Variants in CARMIL1 observed in about 807,000 individuals in gnomAD.
The protein encoded by CARMIL1 is capping protein regulator and myosin 1 linker 1.
In CARMIL1, 90 loss-of-function variants were observed where a neutral mutation model predicts 177.1. The observed-to-expected ratio is 0.51, with a 90% CI of 0.43 to 0.61. The LOEUF (loss-of-function observed/expected upper bound fraction) is 0.61, where lower values mean the gene tolerates loss of function less well. Ranked by LOEUF, CARMIL1 falls within the 20% of genes least tolerant of loss-of-function variation. The probability of loss-of-function intolerance (pLI) is 0.00; values close to 1 mark genes in which losing one functional copy is unlikely to be tolerated. For missense variants in CARMIL1, 1,380 were observed against 1,667.0 expected (o/e 0.83, Z 3.00); for synonymous variants, 577 against 606.2 (o/e 0.95, Z 0.71).
In CARMIL1 at chr6:25,550,981, A is replaced by G. The variant is rs1810041638; in HGVS notation, c.2400A>G (p.Arg800=). ...CPNVMKKAHI[R]QDLIHASTEK... ...ATGTGATGAAAAAAGCCCACATTCG[A>G]CAAGACTTGATTCATGCCAGCACCG... is the stretch of plus-strand genomic sequence containing the variant. Residue 800 remains arginine, a synonymous_variant, in exon 27 of 37, where the codon CGA becomes CGG. Coordinates refer to ENST00000329474, the MANE Select transcript of CARMIL1 (RefSeq NM_017640.6). 6.2e-7 allele frequency: 1 copy of G among 1,613,534 alleles called. No homozygotes were observed.
At chr6:25,283,358 G>A (rs1278513723) in intron 1 of CARMIL1, among the ~76,000 whole-genome samples, 2 of 152,144 alleles carry the variant, frequency 1.3e-5, no homozygotes, top group Non-Finnish European at 2.9e-5. Context: ...ACTTAGTCTT[G>A]GTGAGAGATT....
chr6:25,446,313 T>C (rs776898659), intron 5 of CARMIL1, among the ~76,000 whole-genome samples: 2 of 152,244 alleles, frequency 1.3e-5, no homozygotes, highest in Non-Finnish European at 2.9e-5. Context: ...TGAAAATCAG[T>C]TGTTTAGTGT....
Position 25,577,022 on chromosome 6 carries a change from T to A in CARMIL1, c.2743-3902T>A, listed in dbSNP as rs116178983. On this transcript the variant is annotated intron_variant, in intron 29 of 36. Coordinates refer to ENST00000329474, the MANE Select transcript of CARMIL1 (RefSeq NM_017640.6). The surrounding 1 kb of genome is among the most constrained non-coding windows in gnomAD (Gnocchi z 4.5). ...AGTATTTTTTGGTGGCTCTGCGGTT[T>A]CTGGCTGTACTACTTTATATTCTTG... is the stretch of plus-strand genomic sequence containing the variant. The A allele has an allele frequency of 2.5e-3, 2,437 of 985,474 alleles. 46 individuals are homozygous for A. In the African/African-American group the frequency reaches 0.04, roughly 16 times the overall value. The allele number at this position is 985,474 out of a possible 1,614,324, so 61.0% of individuals were successfully genotyped here. A position where few individuals can be genotyped will look rare whatever the true frequency, so the allele number is the denominator to read the frequency against.
intron 2 of CARMIL1, among the ~76,000 whole-genome samples, chr6:25,327,161 A>AG (rs1785195604): frequency 1.4e-5 from 1 of 70,174 alleles, no homozygotes; most frequent in African/African-American, 1.1e-4. Context: ...GTGTGATATC[A>AG]CCAAGGAGAG....
chr6:25,495,089 G>GT, intron 15 of CARMIL1, 22 bp from the exon 16 acceptor site: 1 of 1,423,528 alleles, frequency 7.0e-7, no homozygotes, highest in South Asian at 1.2e-5. Context: ...AACCGCTTGT[G>GT]TAACTCTTGT....
At chr6:25,616,435 G>A (rs1270498512) in intron 36 of CARMIL1, among the ~76,000 whole-genome samples, 1 of 152,046 alleles carries the variant, frequency 6.6e-6, no homozygotes, top group African/African-American at 2.4e-5. Context: ...GCTGGGTGTG[G>A]TGAGGAGGTG....
intron 2 of CARMIL1, among the ~76,000 whole-genome samples, chr6:25,298,840 C>T (rs995577504): frequency 9.2e-5 from 14 of 151,494 alleles, no homozygotes; most frequent in Non-Finnish European, 2.9e-5. Flanking sequence ...CCGCAACCTC[C>T]GCCTCCTGGG....
intron 23 of CARMIL1, among the ~76,000 whole-genome samples, chr6:25,523,397 T>C (rs1280695403): frequency 2.0e-5 from 3 of 152,154 alleles, no homozygotes; most frequent in African/African-American, 7.2e-5. Context: ...ATGTAATCCT[T>C]AAAATAAATG....
Position 25,459,266 on chromosome 6 carries a change from CTTT to C in CARMIL1, c.615-6595_615-6593del, listed in dbSNP as rs769702901. On this transcript the variant is annotated intron_variant, in intron 8 of 36. Transcript: ENST00000329474. ...TCTTTCTTTCTTTCTTTCTTTCTTT[CTTT>C]TTTTTTTTTTTAAGACAGGGTCTTG... Among the ~76,000 whole-genome samples, 26 of 73,720 alleles carry C rather than the reference CTTT, an allele frequency of 3.5e-4. 1 individual carries two copies. Among genetic ancestry groups the C allele is most frequent in the Admixed American group, 9.4e-4 (6 of 6,354 alleles). The allele number at this position is 73,720 out of a possible 152,430, so 48.4% of individuals were successfully genotyped here.
intron 31 of CARMIL1, among the ~76,000 whole-genome samples, chr6:25,587,045 G>C (rs1351826170): frequency 1.4e-5 from 2 of 140,444 alleles, no homozygotes; most frequent in Admixed American, 1.4e-4. Context: ...GAAAGGGAGA[G>C]GGAGGGGGAG....
chr6:25,590,585 C>G (rs755291576), intron 31 of CARMIL1, among the ~76,000 whole-genome samples: 6 of 151,170 alleles, frequency 4.0e-5, no homozygotes, highest in Non-Finnish European at 8.9e-5. Flanking sequence ...GGGATGCCAT[C>G]TGGGCCCTAA....
At chr6:25,443,146 C>T (rs1187145043) in intron 5 of CARMIL1, among the ~76,000 whole-genome samples, 4 of 152,156 alleles carry the variant, frequency 2.6e-5, no homozygotes, top group Non-Finnish European at 4.4e-5. Context: ...GACAGAAGTC[C>T]AGCTTTCTGT....
chr6:25,315,544 CTT>C (rs1784210878), intron 2 of CARMIL1, among the ~76,000 whole-genome samples: 1 of 151,984 alleles, frequency 6.6e-6, no homozygotes, highest in Non-Finnish European at 1.5e-5. Flanking sequence ...CCGCTGCCTG[CTT>C]TTTTTCTCTC....
rs1810066995 is a variant in CARMIL1, at chr6:25,551,163, G to A, written c.2504+78G>A. The A allele has an allele frequency of 3.5e-6, 4 of 1,131,488 alleles. No homozygotes were observed. The South Asian group carries it at 5.7e-5, about 16-fold the overall frequency. The allele number at this position is 1,131,488 out of a possible 1,614,324, so 70.1% of individuals were successfully genotyped here. A position where few individuals can be genotyped will look rare whatever the true frequency, so the allele number is the denominator to read the frequency against. Reference sequence around the variant, plus strand: ...CGAGGCAGCTGTAAAGAGGGTTATTGTTGGCTGTATCCATATATAATGTGT... The same window carrying A: ...CGAGGCAGCTGTAAAGAGGGTTATTATTGGCTGTATCCATATATAATGTGT... On this transcript the variant is annotated intron_variant, in intron 27 of 36. Coordinates refer to ENST00000329474, the MANE Select transcript of CARMIL1 (RefSeq NM_017640.6).
At chr6:25,423,774 T>TA in intron 3 of CARMIL1, among the ~76,000 whole-genome samples, 1 of 152,298 alleles carries the variant, frequency 6.6e-6, no homozygotes, top group South Asian at 2.1e-4. Flanking sequence ...GGTTAAGTTT[T>TA]TCCTCTTATC....
intron 2 of CARMIL1, among the ~76,000 whole-genome samples, chr6:25,364,113 T>A (rs6913927): frequency 0.87 from 130,758 of 150,638 alleles, 56,960 homozygotes; most frequent in African/African-American, 0.93. Context: ...ACCCATAATT[T>A]AAAAAAAAAT....
At chr6:25,459,880 C>A (rs1307098795) in intron 8 of CARMIL1, among the ~76,000 whole-genome samples, 1 of 152,182 alleles carries the variant, frequency 6.6e-6, no homozygotes, top group Non-Finnish European at 1.5e-5. Context: ...GTTACAACTC[C>A]TTTTAAGGCT....
At chr6:25,325,911 C>T (rs1308722330) in intron 2 of CARMIL1, among the ~76,000 whole-genome samples, 1 of 152,044 alleles carries the variant, frequency 6.6e-6, no homozygotes, top group Non-Finnish European at 1.5e-5. Flanking sequence ...TGCTCTGTCG[C>T]CAGGCTTTAG....
chr6:25,356,142 C>T (rs914961165), intron 2 of CARMIL1, among the ~76,000 whole-genome samples: 1 of 151,964 alleles, frequency 6.6e-6, no homozygotes, highest in East Asian at 1.9e-4. Context: ...ACTGCAAGCT[C>T]CGCTTCCCGG....
Sources: allele counts gnomAD v4.1 joint callset (sites outside exome capture counted in the v4.1 genomes callset), GRCh38; gene constraint gnomAD v4.1.1; non-coding constraint Gnocchi (gnomAD v3.1); transcripts MANE v1.5; gene names NCBI Gene and HGNC (gene_info 2026-07-23, HGNC 2026-07-21).